MTSS2: variants seen among roughly 807,000 people sequenced by gnomAD.
MTSS2 encodes MTSS I-BAR domain containing 2.
In MTSS2, 27 loss-of-function variants were observed where a neutral mutation model predicts 67.1. The observed-to-expected ratio is 0.40, with a 90% CI of 0.30 to 0.55. The LOEUF (loss-of-function observed/expected upper bound fraction) is 0.55, where lower values mean the gene tolerates loss of function less well. Ranked by LOEUF, MTSS2 falls within the 20% of genes least tolerant of loss-of-function variation. MTSS2 has a pLI of 0.43. For missense variants in MTSS2, 1,171 were observed against 1,067.8 expected, an observed-to-expected ratio of 1.10 and a Z score of -1.35; for synonymous variants, 624 against 468.6, an observed-to-expected ratio of 1.33 and a Z score of -4.28.
chr16:70,681,588 G>A lies in MTSS2; in HGVS notation c.70-563C>T, dbSNP rs562005007. On this transcript the variant is annotated intron_variant, in intron 1 of 14. Coordinates refer to ENST00000338779, the MANE Select transcript of MTSS2 (RefSeq NM_138383.3). ...GCCAGCAGCAGTGGCTCCCAGGGCCGAGGAGGCTGTGGCTGCTGCAGGGCC... is the reference window on the plus strand; with the variant it reads ...GCCAGCAGCAGTGGCTCCCAGGGCCAAGGAGGCTGTGGCTGCTGCAGGGCC... 5.3e-5 allele frequency among the ~76,000 whole-genome samples: 8 copies of A among 152,352 alleles called. No individual in the cohort carries two copies. The South Asian group carries it at 1.2e-3, about 24-fold the overall frequency.
intron 9 of MTSS2, among the ~76,000 whole-genome samples, 184 bp from the exon 10 acceptor site, chr16:70,677,162 G>A (rs1215323415): frequency 1.3e-5 from 2 of 152,222 alleles, no homozygotes; most frequent in South Asian, 2.1e-4. Context: ...CAGCCTTCTC[G>A]GAGCCCCTTC....
Position 70,664,984 on chromosome 16 carries a change from G to A in MTSS2, c.1241C>T (p.Thr414Ile). The A allele has an allele frequency of 6.3e-7, 1 of 1,587,658 alleles. No individual in the cohort carries two copies. Among genetic ancestry groups the A allele is most frequent in the South Asian group, 1.1e-5 (1 of 88,444 alleles). ...DTEPGPASGG[T>I]LGPSGEEAPR... ...TGCCTCTTCCCCGCTGGGGCCCAGG[G>A]TGCCCCCACTGGCAGGGCCTGGCTC... Residue 414 changes from threonine to isoleucine, a missense_variant, in exon 13 of 15, where the codon ACC (threonine) becomes ATC (isoleucine). Physicochemically the swap from Thr to Ile is moderately conservative, Grantham distance 89. Around this residue, in one of 2 missense-constraint regions of MTSS2, gnomAD observed 924 missense variants for 756.0 expected, o/e 1.22. Transcript: ENST00000338779.
intron 5 of MTSS2, 38 bp from the exon 6 acceptor site, chr16:70,679,742 C>T: frequency 1.2e-6 from 2 of 1,610,232 alleles, no homozygotes; most frequent in Non-Finnish European, 1.7e-6. Context: ...AATGGGGTCC[C>T]TGCGGAGTGG....
intron 11 of MTSS2, among the ~76,000 whole-genome samples, chr16:70,667,338 A>T (rs1391531746): frequency 2.3e-4 from 1 of 4,312 alleles, no homozygotes; most frequent in Non-Finnish European, 3.6e-4. Flanking sequence ...TATGTAGAAT[A>T]TTAAGAAAGA....
Position 70,663,098 on chromosome 16 carries a change from G to A in MTSS2, c.*579C>T, listed in dbSNP as rs984737485. On this transcript the variant is annotated 3_prime_UTR_variant, in exon 15 of 15. Coordinates refer to ENST00000338779, the MANE Select transcript of MTSS2 (RefSeq NM_138383.3). Reference sequence around the variant, plus strand: ...GCCCTGGAACTCCCTTCCCACACGGGGGGCCTGGCCGCCCAACTCCAACCT... The same window carrying A: ...GCCCTGGAACTCCCTTCCCACACGGAGGGCCTGGCCGCCCAACTCCAACCT... The A allele has an allele frequency of 6.5e-6, 1 of 152,938 alleles. No homozygotes were observed. The highest frequency in any genetic ancestry group is 2.4e-5 in the African/African-American group (1 of 41,472). 9.5% of individuals were successfully genotyped at this position (152,938 alleles called of 1,614,324 possible). A position where few individuals can be genotyped will look rare whatever the true frequency, so the allele number is the denominator to read the frequency against.
At position 70,664,770 on chromosome 16, in the gene MTSS2, G is replaced by A. The variant is rs769871511; in HGVS notation, c.1306-7C>T. On this transcript the variant is annotated splice_polypyrimidine_tract_variant and splice_region_variant and intron_variant, in intron 13 of 14. Transcript: ENST00000338779. The stretch of plus-strand genomic sequence containing the variant: ...GGGACACCTCCTCACCGTGCTGAGG[G>A]TGGGAAAGTGCAGGCTGAAGCCTTG... 117 of 1,606,332 alleles carry A rather than the reference G, an allele frequency of 7.3e-5. No individual in the cohort carries two copies. Among genetic ancestry groups the A allele is most frequent in the East Asian group, 4.0e-4 (18 of 44,624 alleles).
chr16:70,678,514 G>C (rs2053194431), intron 7 of MTSS2, 105 bp from the exon 8 acceptor site: 2 of 1,386,662 alleles, frequency 1.4e-6, no homozygotes, highest in Admixed American at 4.5e-5. Context: ...CCGTTGGGCT[G>C]GGTGTTGCCC....
chr16:70,669,710 G>A (rs983736141), intron 11 of MTSS2, among the ~76,000 whole-genome samples: 1 of 151,664 alleles, frequency 6.6e-6, no homozygotes, highest in African/African-American at 2.4e-5. Flanking sequence ...CCAGCTACTC[G>A]GGAGGCTGAG....
chr16:70,682,561 G>GA (rs1225710019), intron 1 of MTSS2, among the ~76,000 whole-genome samples: 1 of 152,048 alleles, frequency 6.6e-6, no homozygotes, highest in Non-Finnish European at 1.5e-5. Flanking sequence ...TCCCCATGGG[G>GA]AGGGGACAAG....
intron 6 of MTSS2, 115 bp downstream of exon 6, chr16:70,679,515 G>A: frequency 7.7e-7 from 1 of 1,295,252 alleles, no homozygotes; most frequent in African/African-American, 1.5e-5. Context: ...GGAGGGTCCT[G>A]TGTCGGGGAC....
intron 11 of MTSS2, among the ~76,000 whole-genome samples, chr16:70,673,447 T>C (rs1480738925): frequency 6.6e-6 from 1 of 152,138 alleles, no homozygotes; most frequent in East Asian, 1.9e-4. Flanking sequence ...CACCCCAGAA[T>C]AGTGTTCCTG....
intron 11 of MTSS2, among the ~76,000 whole-genome samples, chr16:70,668,845 A>G (rs1368857652): frequency 6.6e-6 from 1 of 152,216 alleles, no homozygotes; most frequent in African/African-American, 2.4e-5. Context: ...CTGGCCTTCC[A>G]GCCTCCAGAA....
chr16:70,664,817 A>C (rs1164093693), intron 13 of MTSS2, 54 bp from the exon 14 acceptor site: 1 of 1,542,378 alleles, frequency 6.5e-7, no homozygotes, highest in South Asian at 1.2e-5. Context: ...CCCTCTGCCC[A>C]AATTCCAGGC....
intron 14 of MTSS2, 70 bp downstream of exon 14, chr16:70,664,528 G>A: frequency 1.3e-6 from 2 of 1,576,708 alleles, no homozygotes; most frequent in Non-Finnish European, 8.6e-7. Context: ...CACAGAGGGG[G>A]AAGGACGGGG....
intron 10 of MTSS2, 149 bp downstream of exon 10, chr16:70,676,732 T>C: frequency 1.5e-6 from 1 of 664,460 alleles, no homozygotes; most frequent in Non-Finnish European, 2.6e-6. Flanking sequence ...GGGCACATTT[T>C]CCCTCTACAT....
At chr16:70,679,203 C>G in intron 7 of MTSS2, 112 bp downstream of exon 7, 1 of 1,406,506 alleles carries the variant, frequency 7.1e-7, no homozygotes, top group Non-Finnish European at 1.0e-6. Flanking sequence ...CGACCGCCTT[C>G]CTCGCTTCTC....
Position 70,679,802 on chromosome 16 carries a change from G to C in MTSS2, c.366C>G (p.Asp122Glu). Residue 122 changes from aspartate (D) to glutamate (E), a missense_variant, in exon 5 of 15, where the codon GAC (aspartate) becomes GAG (glutamate). Asp to Glu is a conservative substitution (Grantham distance 45). This residue lies in a region of MTSS2 where 247 missense variants were observed against 311.8 expected (regional missense o/e 0.79). Transcript: ENST00000338779. ...EDWKKAANQL[D>E]KDHAKEYKRA... Reference sequence around the variant, plus strand: ...CACCCTCACCTTTCGCGTGGTCCTTGTCCAGCTGGTTGGCCGCCTTCTTCC... The same window carrying C: ...CACCCTCACCTTTCGCGTGGTCCTTCTCCAGCTGGTTGGCCGCCTTCTTCC... The C allele has an allele frequency of 6.2e-7, 1 of 1,610,784 alleles. No individual in the cohort carries two copies. The highest frequency in any genetic ancestry group is 8.5e-7 in the Non-Finnish European group (1 of 1,179,680).
intron 8 of MTSS2, 116 bp downstream of exon 8, chr16:70,678,136 A>G: frequency 7.6e-7 from 1 of 1,320,084 alleles, no homozygotes; most frequent in Non-Finnish European, 1.0e-6. Flanking sequence ...GGCCAGGAGC[A>G]TGTGGCCTTG....
intron 10 of MTSS2, among the ~76,000 whole-genome samples, chr16:70,674,834 T>C (rs56264804): frequency 0.49 from 74,242 of 152,048 alleles, 18,138 homozygotes; most frequent in Non-Finnish European, 0.51. Flanking sequence ...TTGTCCAGGC[T>C]GGGCACAGTG....
Sources: allele counts gnomAD v4.1 joint callset (sites outside exome capture counted in the v4.1 genomes callset), GRCh38; gene constraint gnomAD v4.1.1; regional missense constraint gnomAD v4.1.1; transcripts MANE v1.5; gene names NCBI Gene and HGNC (gene_info 2026-07-23, HGNC 2026-07-21).